ASIC2: variants seen among roughly 807,000 people sequenced by gnomAD.
ASIC2 encodes acid sensing ion channel subunit 2.
A neutral mutation model predicts 57.3 loss-of-function variants in ASIC2; 25 were observed. The observed-to-expected ratio is 0.44, with a 90% CI of 0.32 to 0.61. The LOEUF is 0.61. Ranked by LOEUF, ASIC2 falls within the 20% of genes least tolerant of loss-of-function variation. The probability of loss-of-function intolerance (pLI) is 0.06; values close to 1 mark genes in which losing one functional copy is unlikely to be tolerated. For missense variants in ASIC2, 641 were observed against 738.1 expected, an observed-to-expected ratio of 0.87 and a Z score of 1.52; for synonymous variants, 319 against 307.5, an observed-to-expected ratio of 1.04 and a Z score of -0.39.
intron 3 of ASIC2, among the ~76,000 whole-genome samples, chr17:33,065,809 C>T (rs1231367878): frequency 6.6e-6 from 1 of 152,072 alleles, no homozygotes; most frequent in African/African-American, 2.4e-5. Flanking sequence ...AAATGAAAAA[C>T]TATATGTCCG....
chr17:33,328,840 A>G (rs1324164174), intron 1 of ASIC2, among the ~76,000 whole-genome samples: 1 of 152,262 alleles, frequency 6.6e-6, no homozygotes, highest in African/African-American at 2.4e-5. Flanking sequence ...ACCAGATACT[A>G]TATATACATA....
chr17:34,014,431 G>C (rs1327053239), intron 1 of ASIC2, among the ~76,000 whole-genome samples: 1 of 152,190 alleles, frequency 6.6e-6, no homozygotes, highest in African/African-American at 2.4e-5. Context: ...ACCATCAGGA[G>C]CTCGAGACAT....
chr17:33,631,605 T>C (rs184238653), intron 1 of ASIC2, among the ~76,000 whole-genome samples: 44 of 152,282 alleles, frequency 2.9e-4, no homozygotes, highest in African/African-American at 1.0e-3. Flanking sequence ...CACAGGGTGC[T>C]TAGCATTATG....
chr17:34,140,177 C>T (rs573370311), intron 1 of ASIC2, among the ~76,000 whole-genome samples: 27 of 152,170 alleles, frequency 1.8e-4, no homozygotes, highest in South Asian at 4.1e-4. Context: ...GGCATCCAAG[C>T]GGAACAGAAG....
intron 1 of ASIC2, among the ~76,000 whole-genome samples, chr17:33,754,980 G>T (rs908584846): frequency 4.4e-4 from 39 of 89,098 alleles, no homozygotes; most frequent in Non-Finnish European, 9.0e-4. Context: ...AAAAAAAAAA[G>T]AACAGTTCCC....
intron 2 of ASIC2, 98 bp from the exon 3 acceptor site, chr17:33,089,088 G>A (rs1199449835): frequency 1.3e-6 from 2 of 1,498,122 alleles, no homozygotes; most frequent in Non-Finnish European, 1.8e-6. Flanking sequence ...AAAAGACCCT[G>A]TGATAAGCAG....
At chr17:33,419,005 G>T (rs2141970321) in intron 1 of ASIC2, among the ~76,000 whole-genome samples, 1 of 152,260 alleles carries the variant, frequency 6.6e-6, no homozygotes. Context: ...TAATGTAGAT[G>T]ATGGGCTGAT....
At chr17:33,393,582 A>T (rs1909974875) in intron 1 of ASIC2, among the ~76,000 whole-genome samples, 1 of 152,160 alleles carries the variant, frequency 6.6e-6, no homozygotes, top group African/African-American at 2.4e-5. Context: ...GCTTTGGGAA[A>T]GTTATATAAC....
At chr17:33,115,023 A>G (rs1320543326) in intron 1 of ASIC2, among the ~76,000 whole-genome samples, 1 of 152,204 alleles carries the variant, frequency 6.6e-6, no homozygotes, top group East Asian at 1.9e-4. Context: ...CCTGTCAAAG[A>G]GGGAGCAGAG....
chr17:33,898,262 GTCTCGC>G (rs1915152299), intron 1 of ASIC2, among the ~76,000 whole-genome samples: 2 of 69,634 alleles, frequency 2.9e-5, no homozygotes, highest in African/African-American at 1.2e-4. Flanking sequence ...TTGAGACTGA[GTCTCGC>G]TCTGTCACCC....
intron 1 of ASIC2, among the ~76,000 whole-genome samples, chr17:33,941,915 C>T (rs894642277): frequency 7.2e-5 from 11 of 152,262 alleles, no homozygotes; most frequent in South Asian, 2.1e-4. Context: ...GTTACTACCA[C>T]CCCGGGGCAA....
intron 1 of ASIC2, among the ~76,000 whole-genome samples, chr17:34,140,803 A>G (rs762665703): frequency 2.0e-5 from 3 of 152,234 alleles, no homozygotes; most frequent in Non-Finnish European, 4.4e-5. Context: ...CAGAAAACCA[A>G]CTAATAAATG....
intron 1 of ASIC2, among the ~76,000 whole-genome samples, chr17:33,186,372 A>G (rs370528541): frequency 3.3e-5 from 5 of 152,238 alleles, no homozygotes; most frequent in Middle Eastern, 3.4e-3. Flanking sequence ...CAGCCTCCCA[A>G]AATGCTGGGA....
chr17:33,039,831 T>C (rs1008170701), intron 3 of ASIC2, among the ~76,000 whole-genome samples: 2 of 152,160 alleles, frequency 1.3e-5, no homozygotes, highest in Non-Finnish European at 2.9e-5. Context: ...TCCCTCCCCA[T>C]CTTTTTCTCT....
At chr17:34,117,445 G>A (rs1347463153) in intron 1 of ASIC2, among the ~76,000 whole-genome samples, 4 of 152,192 alleles carry the variant, frequency 2.6e-5, no homozygotes, top group African/African-American at 9.7e-5. Flanking sequence ...TTGAAGCAGA[G>A]AGAATAGCCT....
chr17:34,143,295 T>C (rs1427444563), intron 1 of ASIC2, among the ~76,000 whole-genome samples: 1 of 152,202 alleles, frequency 6.6e-6, no homozygotes, highest in East Asian at 1.9e-4. Context: ...AACTGTGAAA[T>C]AGACATATTG....
At chr17:33,674,865 C>A (rs1352704309) in intron 1 of ASIC2, among the ~76,000 whole-genome samples, 2 of 152,150 alleles carry the variant, frequency 1.3e-5, no homozygotes, top group South Asian at 4.1e-4. Flanking sequence ...GTGGTCTGAG[C>A]CCAGAAATTG....
At chr17:33,573,922 T>C (rs1388320864) in intron 1 of ASIC2, among the ~76,000 whole-genome samples, 2 of 152,176 alleles carry the variant, frequency 1.3e-5, no homozygotes, top group African/African-American at 4.8e-5. Flanking sequence ...CCACTGTAAC[T>C]TTTTCTGCCC....
At chr17:33,746,580 C>G (rs1321890640) in intron 1 of ASIC2, among the ~76,000 whole-genome samples, 1 of 151,408 alleles carries the variant, frequency 6.6e-6, no homozygotes, top group East Asian at 1.9e-4. Context: ...ATTTATGAAG[C>G]AAAATCTGAC....
Sources: allele counts gnomAD v4.1 joint callset (sites outside exome capture counted in the v4.1 genomes callset), GRCh38; gene constraint gnomAD v4.1.1; transcripts MANE v1.5; gene names NCBI Gene and HGNC (gene_info 2026-07-23, HGNC 2026-07-21).